The following AMZ1 variants were observed in gnomAD, a reference collection of about 807,000 sequenced individuals.
AMZ1 encodes the protein archaemetzincin-1.
A neutral mutation model predicts 29.9 loss-of-function variants in AMZ1; 39 were observed. The observed-to-expected ratio is 1.30, with a 90% confidence interval of 1.01 to 1.70. AMZ1 has a LOEUF of 1.70. Among genes scored for constraint, AMZ1 ranks in the 40% most tolerant of loss-of-function variants. The probability of loss-of-function intolerance (pLI) is 0.00; values close to 1 mark genes in which losing one functional copy is unlikely to be tolerated. For synonymous variants in AMZ1, 458 were observed against 304.0 expected (o/e 1.51, Z -5.27); for missense variants, 1,041 against 680.6 (o/e 1.53, Z -5.89).
rs1790242698 is a variant in AMZ1 at position 2,737,274 on chromosome 7, G to GTTTTGTTTTGTTTTTTTT, written n.551-27434_551-27433insGTTTTGTTTTTTTTTTTT. Among the ~76,000 whole-genome samples, 13 of 35,040 alleles carry GTTTTGTTTTGTTTTTTTT rather than the reference G, an allele frequency of 3.7e-4. 1 individual carries two copies. The highest frequency in any genetic ancestry group is 1.3e-3 in the African/African-American group (13 of 10,138). The allele number at this position is 35,040 out of a possible 152,430, so 23.0% of individuals were successfully genotyped here. A position where few individuals can be genotyped will look rare whatever the true frequency, so the allele number is the denominator to read the frequency against. On this transcript the variant is annotated intron_variant and non_coding_transcript_variant, in intron 4 of 4. Transcript: ENST00000489665. ...AGGAGCTATCTCACAGTTTTGTTTTGTTTTTTTTTTTTTTGTTTTTTTTTT... is the reference window on the plus strand; with the variant it reads ...AGGAGCTATCTCACAGTTTTGTTTTGTTTTGTTTTGTTTTTTTTTTTTTTTTTTTTTTGTTTTTTTTTT...
chr7:2,727,449 C>T (rs935849477), intron 4 of AMZ1, among the ~76,000 whole-genome samples: 6 of 152,048 alleles, frequency 3.9e-5, no homozygotes, highest in East Asian at 1.9e-4. Context: ...GATCGCAGCT[C>T]GCTGTAGCCT....
chr7:2,711,180 A>G (rs931091916), intron 6 of AMZ1, among the ~76,000 whole-genome samples: 5 of 152,150 alleles, frequency 3.3e-5, no homozygotes, highest in African/African-American at 1.2e-4. Context: ...GGCCAGGGCA[A>G]AGGCACTCCA....
chr7:2,690,731 C>G (rs1430224771), intron 1 of AMZ1, among the ~76,000 whole-genome samples: 1 of 152,134 alleles, frequency 6.6e-6, no homozygotes, highest in Non-Finnish European at 1.5e-5. Flanking sequence ...TGTGGCCCTT[C>G]CTGTTGCTCC....
At chr7:2,753,516 T>G (rs189563185) in intron 4 of AMZ1, among the ~76,000 whole-genome samples, 1 of 152,208 alleles carries the variant, frequency 6.6e-6, no homozygotes, top group African/African-American at 2.4e-5. Flanking sequence ...CATCTGTCAG[T>G]AGCTTGCCCC....
intron 1 of AMZ1, among the ~76,000 whole-genome samples, chr7:2,694,787 C>G (rs1419783583): frequency 6.6e-6 from 1 of 152,008 alleles, no homozygotes; most frequent in Admixed American, 6.6e-5. Flanking sequence ...ATTCTCCTGC[C>G]TCAGCCTCCC....
At chr7:2,694,888 G>A (rs1787613933) in intron 1 of AMZ1, among the ~76,000 whole-genome samples, 1 of 152,090 alleles carries the variant, frequency 6.6e-6, no homozygotes, top group South Asian at 2.1e-4. Context: ...GGCCAGGCTG[G>A]TCTCGAACTC....
Position 2,712,572 on chromosome 7 carries a change from T to TG in AMZ1, c.1196dup (p.Ala401CysfsTer8), listed in dbSNP as rs747616353. The TG allele has an allele frequency of 5.6e-6, 9 of 1,611,298 alleles. No homozygotes were observed. In the Admixed American group the frequency reaches 8.4e-5, roughly 15 times the overall value. ...CAGCCTCAGAGGCTCCGCTGCCACC[T>TG]GGGGGCCCTGCGGAGGCCATCAAGG... On this transcript the variant is annotated frameshift_variant, in exon 7 of 7. Coordinates refer to ENST00000683327, the MANE Select transcript of AMZ1 (RefSeq NM_001384743.1). LOFTEE classifies it low-confidence loss of function (END_TRUNC).
At position 2,717,452 on chromosome 7, in the gene AMZ1, C is replaced by T. The variant is rs544870066; in HGVS notation, c.*4574C>T. 3.3e-5 allele frequency among the ~76,000 whole-genome samples: 5 copies of T among 152,344 alleles called. No individual in the cohort carries two copies. Among genetic ancestry groups the T allele is most frequent in the South Asian group, 4.1e-4 (2 of 4,824 alleles). Reference sequence around the variant, plus strand: ...CTGGGAGAGGCCCCGGGAACCGGCTCGCCCTGTACCCAAGGGCTCTCTGGA... The same window carrying T: ...CTGGGAGAGGCCCCGGGAACCGGCTTGCCCTGTACCCAAGGGCTCTCTGGA... On this transcript the variant is annotated 3_prime_UTR_variant, in exon 7 of 7. Transcript: ENST00000683327.
Position 2,712,943 on chromosome 7 carries a change from G to A in AMZ1, c.*65G>A, listed in dbSNP as rs925867408. ...CTGGCCAGCACTGTCCAGTAGCTGA[G>A]GCCACTACTGACCTGCCAGGGATAA... On this transcript the variant is annotated 3_prime_UTR_variant, in exon 7 of 7. Transcript: ENST00000683327. 1.4e-6 allele frequency: 2 copies of A among 1,448,078 alleles called. No individual in the cohort carries two copies. Among genetic ancestry groups the A allele is most frequent in the African/African-American group, 2.9e-5 (2 of 69,546 alleles). The allele number at this position is 1,448,078 out of a possible 1,614,324, so 89.7% of individuals were successfully genotyped here.
intron 4 of AMZ1, among the ~76,000 whole-genome samples, chr7:2,740,096 C>A (rs1583216819): frequency 6.6e-6 from 1 of 152,218 alleles, no homozygotes; most frequent in Non-Finnish European, 1.5e-5. Context: ...TCCTTGCCAA[C>A]ACTTGCTGTT....
intron 4 of AMZ1, among the ~76,000 whole-genome samples, chr7:2,737,686 T>G (rs921920512): frequency 1.3e-5 from 2 of 152,308 alleles, no homozygotes; most frequent in Non-Finnish European, 2.9e-5. Flanking sequence ...AATGGTGAGC[T>G]AGAGGATTCC....
At chr7:2,721,110 TG>T (rs1181338033), downstream of AMZ1, among the ~76,000 whole-genome samples, 2 of 152,122 alleles carry the variant, frequency 1.3e-5, no homozygotes, top group African/African-American at 4.8e-5. Context: ...CCGACTCTAT[TG>T]AAGACACACT....
upstream of AMZ1, chr7:2,762,808 GGCCTCCCATCC>G (rs765090858): frequency 5.7e-5 from 87 of 1,529,922 alleles, no homozygotes; most frequent in Non-Finnish European, 7.3e-5. Context: ...CACTCAGGGC[GGCCTCCCATCC>G]GCCACACACC....
At chr7:2,743,041 G>A (rs983229462) in intron 4 of AMZ1, among the ~76,000 whole-genome samples, 4 of 152,192 alleles carry the variant, frequency 2.6e-5, no homozygotes, top group African/African-American at 7.2e-5. Flanking sequence ...TTTTGGCCAG[G>A]AGAACAAGAG....
Position 2,719,070 on chromosome 7 carries a change from T to G in AMZ1, c.*6192T>G, listed in dbSNP as rs924187840. Among the ~76,000 whole-genome samples, 8 of 151,334 alleles carry G rather than the reference T, an allele frequency of 5.3e-5. No homozygotes were observed. The highest frequency in any genetic ancestry group is 8.8e-5 in the Non-Finnish European group (6 of 67,884). On this transcript the variant is annotated 3_prime_UTR_variant, in exon 7 of 7. Coordinates refer to ENST00000683327, the MANE Select transcript of AMZ1 (RefSeq NM_001384743.1). ...TCAAACTTCTACCACATTCTACCTG[T>G]GCCCTTCTGGGTGGGTGGTGGCCGT...
At chr7:2,725,237 G>C (rs1213840716) in intron 4 of AMZ1, among the ~76,000 whole-genome samples, 1 of 152,222 alleles carries the variant, frequency 6.6e-6, no homozygotes, top group African/African-American at 2.4e-5. Context: ...CAGGTCCTCC[G>C]GGTTCAGGGG....
chr7:2,741,389 A>G (rs709281), intron 4 of AMZ1, among the ~76,000 whole-genome samples: 86,316 of 151,934 alleles, frequency 0.57, 24,881 homozygotes, highest in Admixed American at 0.63. Context: ...TAACAGGGCT[A>G]GGGGTGGGGA....
chr7:2,735,647 C>A (rs1790132695), intron 4 of AMZ1, among the ~76,000 whole-genome samples: 1 of 152,248 alleles, frequency 6.6e-6, no homozygotes, highest in Non-Finnish European at 1.5e-5. Flanking sequence ...GCTGCTTTCT[C>A]CACGATGACT....
At chr7:2,701,519 G>A (rs1174047962) in intron 2 of AMZ1, among the ~76,000 whole-genome samples, 1 of 152,220 alleles carries the variant, frequency 6.6e-6, no homozygotes, top group Admixed American at 6.5e-5. Flanking sequence ...AGGGTGAATG[G>A]GGGGCCGAGA....
Sources: allele counts gnomAD v4.1 joint callset (sites outside exome capture counted in the v4.1 genomes callset), GRCh38; gene constraint gnomAD v4.1.1; transcripts MANE v1.5; gene names NCBI Gene and HGNC (gene_info 2026-07-23, HGNC 2026-07-21).